KAT5: variants seen among roughly 807,000 people sequenced by gnomAD.
KAT5 encodes the protein lysine acetyltransferase 5.
In KAT5, 31 loss-of-function variants were observed where a neutral mutation model predicts 68.1. The ratio of observed to expected loss-of-function variants is 0.46; its 90% confidence interval spans 0.34 to 0.61. The LOEUF (loss-of-function observed/expected upper bound fraction) is 0.61, where lower values mean the gene tolerates loss of function less well. Ranked by LOEUF, KAT5 falls within the 20% of genes least tolerant of loss-of-function variation. The probability of loss-of-function intolerance (pLI) is 0.01; values close to 1 mark genes in which losing one functional copy is unlikely to be tolerated. For missense variants in KAT5, 451 were observed against 725.5 expected (o/e 0.62, Z 4.35); for synonymous variants, 365 against 292.6 (o/e 1.25, Z -2.52).
rs201020447 is a variant in KAT5, at chr11:65,716,978, G to A, written c.1260G>A (p.Glu420=). Residue 420 remains glutamate (E), a synonymous_variant, in exon 10 of 13, where the codon GAG becomes GAA. Transcript: ENST00000341318. The stretch of plus-strand genomic sequence containing the variant: ...GGGGCTACGGCAAGCTGCTGATCGA[G>A]TTCAGTGAGTATGTGTGCTGCGGCC... ...QRRGYGKLLI[E]FSYELSKVEG... The A allele has an allele frequency of 1.6e-5, 25 of 1,612,718 alleles. No individual in the cohort carries two copies. In the South Asian group the frequency reaches 1.6e-4, roughly 11 times the overall value.
chr11:65,714,889 G>C lies in KAT5; in HGVS notation c.1008G>C (p.Glu336Asp). The C allele has an allele frequency of 1.9e-6, 3 of 1,614,212 alleles. No individual in the cohort carries two copies. Among genetic ancestry groups the C allele is most frequent in the Non-Finnish European group, 2.5e-6 (3 of 1,180,016 alleles). The part of the protein sequence containing the change: ...IYRKGTISFF[E>D]IDGRKNKSYS... ...GCAAGGGCACCATCTCCTTCTTTGA[G>C]ATTGATGGACGTAAGAACAAGGTTA... Residue 336 changes from glutamate to aspartate, a missense_variant, in exon 8 of 13, where the codon GAG becomes GAC. By Grantham distance (45) the Glu-to-Asp change is conservative. This residue lies in a region of KAT5 where 210 missense variants were observed against 423.7 expected (regional missense o/e 0.50). Transcript: ENST00000341318.
chr11:65,719,235 C>G lies in KAT5; in HGVS notation c.*54C>G. On this transcript the variant is annotated 3_prime_UTR_variant, in exon 13 of 13. Coordinates refer to ENST00000341318, the MANE Select transcript of KAT5 (RefSeq NM_182710.3). ...CGGCAGCAGGACTGGGGCTGATAGC[C>G]CACCCCGCCCCCACTGCAGCTCCCA... 3 of 1,588,668 alleles carry G rather than the reference C, an allele frequency of 1.9e-6. No homozygotes were observed. The highest frequency in any genetic ancestry group is 2.6e-6 in the Non-Finnish European group (3 of 1,166,558).
chr11:65,712,668 A>G, intron 1 of KAT5, 98 bp from the exon 2 acceptor site: 1 of 1,435,862 alleles, frequency 7.0e-7, no homozygotes, highest in Non-Finnish European at 9.8e-7. Context: ...TAAGTGCTGG[A>G]GCTTAGGGAT....
At chr11:65,715,289 G>T in intron 8 of KAT5, 1 of 268,974 alleles carries the variant, frequency 3.7e-6, no homozygotes, top group South Asian at 4.6e-5. Flanking sequence ...GATGCACAAA[G>T]GTGGTCTTTG....
At chr11:65,712,042 ACTGG>A (rs558603264), upstream of KAT5, 83 of 416,942 alleles carry the variant, frequency 2.0e-4, no homozygotes, top group East Asian at 2.5e-3. Flanking sequence ...GTAGACCGCC[ACTGG>A]CTGTGCACGT....
intron 4 of KAT5, 42 bp downstream of exon 4, chr11:65,713,545 C>T: frequency 6.2e-7 from 1 of 1,614,090 alleles, no homozygotes; most frequent in Non-Finnish European, 8.5e-7. Flanking sequence ...CTTCTCAGGT[C>T]CCACCTTCTC....
chr11:65,718,250 C>T, intron 10 of KAT5: 1 of 234,304 alleles, frequency 4.3e-6, no homozygotes, highest in Non-Finnish European at 8.4e-6. Context: ...GACACAGAGC[C>T]CGGGATGGCA....
chr11:65,714,953 G>A, intron 8 of KAT5, 43 bp downstream of exon 8: 1 of 1,538,760 alleles, frequency 6.5e-7, no homozygotes, highest in East Asian at 2.2e-5. Context: ...TGAATCAAAT[G>A]ACAGCTTCTT....
rs1857050887 is a variant in KAT5 at position 65,712,426 on chromosome 11, G to A, written c.159G>A (p.Gln53=). 1.3e-6 allele frequency: 2 copies of A among 1,595,552 alleles called. No individual in the cohort carries two copies. The highest frequency in any genetic ancestry group is 1.4e-5 in the African/African-American group (1 of 73,340). ...GCCTACCCGTGCTGCGGCGGAACCA[G>A]GACAACGAAGATGAGTGGCGTGAGT... The part of the protein sequence containing the change: ...GCRLPVLRRN[Q]DNEDEWPLAE... The change falls in exon 1 of 13, where the codon CAG becomes CAA. Residue 53 remains glutamine, a synonymous_variant. Coordinates refer to ENST00000341318, the MANE Select transcript of KAT5 (RefSeq NM_182710.3).
chr11:65,717,131 G>T (rs1361813101), intron 10 of KAT5, 149 bp downstream of exon 10: 5 of 656,938 alleles, frequency 7.6e-6, no homozygotes, highest in Admixed American at 2.5e-5. Flanking sequence ...CTCTCCCGGG[G>T]TTCTCTCCGT....
At chr11:65,716,480 C>G (rs1042085110) in intron 8 of KAT5, 187 bp from the exon 9 acceptor site, 3 of 605,412 alleles carry the variant, frequency 5.0e-6, no homozygotes, top group Admixed American at 5.9e-5. Flanking sequence ...ACAGGCTTTT[C>G]AACACTGAGG....
At position 65,719,526 on chromosome 11, in the gene KAT5, T is replaced by A; in HGVS notation, c.*345T>A. On this transcript the variant is annotated 3_prime_UTR_variant, in exon 13 of 13. Coordinates refer to ENST00000341318, the MANE Select transcript of KAT5 (RefSeq NM_182710.3). ...TCTTTTGTAAAGTAGAAGTTGGGGG[T>A]GGGGTGGGTGCTGGCTGCAAAAATT... 1 of 611,836 alleles carries A rather than the reference T, an allele frequency of 1.6e-6. No homozygotes were observed. 37.9% of individuals were successfully genotyped at this position (611,836 alleles called of 1,614,324 possible).
rs1857322796 is a variant in KAT5 at position 65,719,440 on chromosome 11, T to G, written c.*259T>G. On this transcript the variant is annotated 3_prime_UTR_variant, in exon 13 of 13. Transcript: ENST00000341318. ...GACCAGAGGGAGCCAGGCAGCTGTG[T>G]ACAGTGAGAAGGGATCCGGATGGGG... The G allele has an allele frequency of 6.6e-6, 4 of 605,522 alleles. No homozygotes were observed. The East Asian group carries it at 1.1e-4, about 17-fold the overall frequency. 37.5% of individuals were successfully genotyped at this position (605,522 alleles called of 1,614,324 possible). A position where few individuals can be genotyped will look rare whatever the true frequency, so the allele number is the denominator to read the frequency against.
In KAT5 at chr11:65,712,345, A is replaced by G; in HGVS notation, c.78A>G (p.Pro26=). ...PGEVGRARGP[P]VADPGVALSP... is the part of the protein sequence containing the mutation. ...AGGTGGGTAGAGCCCGAGGCCCCCC[A>G]GTAGCCGACCCTGGCGTCGCGCTGT... Residue 26 remains proline, a synonymous_variant, in exon 1 of 13, where the codon CCA becomes CCG. Transcript: ENST00000341318. 2.0e-6 allele frequency: 3 copies of G among 1,529,300 alleles called. No homozygotes were observed. Among genetic ancestry groups the G allele is most frequent in the Non-Finnish European group, 2.6e-6 (3 of 1,148,756 alleles). 94.7% of individuals were successfully genotyped at this position (1,529,300 alleles called of 1,614,324 possible). A position where few individuals can be genotyped will look rare whatever the true frequency, so the allele number is the denominator to read the frequency against.
rs371801645 is a variant in KAT5 at position 65,712,286 on chromosome 11, C to G, written c.19C>G (p.Pro7Ala). The G allele has an allele frequency of 3.9e-5, 56 of 1,437,166 alleles. No homozygotes were observed. The highest frequency in any genetic ancestry group is 6.1e-5 in the South Asian group (4 of 65,622). 89.0% of individuals were successfully genotyped at this position (1,437,166 alleles called of 1,614,324 possible). The change falls in exon 1 of 13, where the codon CCG (proline) becomes GCG (alanine). Residue 7 changes from proline (P) to alanine (A), a missense_variant. This residue lies in a region of KAT5 where 104 missense variants were observed against 107.3 expected (regional missense o/e 0.97). Transcript: ENST00000341318. MAEVVS[P>A]VPGAGRREPG... Reference sequence around the variant, plus strand: ...AGGGAAGATGGCGGAGGTGGTGAGTCCGGTGCCCGGGGCGGGGCGGAGGGA... The same window carrying G: ...AGGGAAGATGGCGGAGGTGGTGAGTGCGGTGCCCGGGGCGGGGCGGAGGGA...
At chr11:65,714,293 TA>T in intron 6 of KAT5, 1 of 627,478 alleles carries the variant, frequency 1.6e-6, no homozygotes, top group Non-Finnish European at 2.7e-6. Context: ...AGACTCCATC[TA>T]AAAAATGGGG....
Position 65,713,259 on chromosome 11 carries a change from G to A in KAT5, c.385-89G>A. The A allele has an allele frequency of 2.1e-6, 3 of 1,433,128 alleles. No individual in the cohort carries two copies. In the South Asian group the frequency reaches 3.7e-5, roughly 18 times the overall value. 88.8% of individuals were successfully genotyped at this position (1,433,128 alleles called of 1,614,324 possible). A position where few individuals can be genotyped will look rare whatever the true frequency, so the allele number is the denominator to read the frequency against. On this transcript the variant is annotated intron_variant, in intron 3 of 12. Coordinates refer to ENST00000341318, the MANE Select transcript of KAT5 (RefSeq NM_182710.3). ...CCTTCAGAAGGCGAGGGTGGGGTTT[G>A]ATAATTTTGAGGTGAGGGACCCCTC...
At position 65,717,001 on chromosome 11, in the gene KAT5, G is replaced by C; in HGVS notation, c.1264+19G>C. The C allele has an allele frequency of 6.3e-7, 1 of 1,589,646 alleles. No homozygotes were observed. On this transcript the variant is annotated intron_variant, in intron 10 of 12. Transcript: ENST00000341318. Reference sequence around the variant, plus strand: ...GAGTTCAGTGAGTATGTGTGCTGCGGCCAGGGGGTAGTGGACCCACTATCG... The same window carrying C: ...GAGTTCAGTGAGTATGTGTGCTGCGCCCAGGGGGTAGTGGACCCACTATCG...
intron 6 of KAT5, 173 bp from the exon 7 acceptor site, chr11:65,714,322 C>T: frequency 6.9e-6 from 5 of 723,806 alleles, no homozygotes; most frequent in Non-Finnish European, 8.9e-6. Context: ...GTGATCTTTT[C>T]CACATCATCG....
Sources: gnomAD v4.1 joint callset for allele counts on GRCh38, gnomAD v4.1.1 for gene constraint, gnomAD v4.1.1 regional missense constraint, MANE v1.5 for transcripts, NCBI Gene and HGNC (gene_info 2026-07-23, HGNC 2026-07-21) for gene names.